The following LIMCH1 variants were observed in gnomAD, a reference collection of about 807,000 sequenced individuals.
The protein encoded by LIMCH1 is LIM and calponin homology domains 1, also known as LIM and calponin homology domains-containing protein 1.
LIMCH1 carries 113 observed loss-of-function variants against 176.5 expected under a neutral mutation model. The ratio of observed to expected loss-of-function variants is 0.64; its 90% confidence interval spans 0.55 to 0.75. The LOEUF (loss-of-function observed/expected upper bound fraction) is 0.75. LIMCH1 is among the 30% of genes least tolerant of loss of function. LIMCH1 has a pLI of 0.00. For missense variants in LIMCH1, 1,674 were observed against 1,814.9 expected, an observed-to-expected ratio of 0.92 and a Z score of 1.41; for synonymous variants, 619 against 645.9, an observed-to-expected ratio of 0.96 and a Z score of 0.63.
At chr4:41,603,000 A>G (rs2090190750) in intron 2 of LIMCH1, among the ~76,000 whole-genome samples, 1 of 152,096 alleles carries the variant, frequency 6.6e-6, no homozygotes, top group African/African-American at 2.4e-5. Flanking sequence ...ATTTCTTCAA[A>G]TTTCAATGGA....
At chr4:41,627,359 A>G (rs2093035399) in intron 8 of LIMCH1, among the ~76,000 whole-genome samples, 1 of 152,142 alleles carries the variant, frequency 6.6e-6, no homozygotes, top group African/African-American at 2.4e-5. Context: ...AAAAATAGAC[A>G]TGTACTATTG....
chr4:41,423,216 G>A (rs562151178), intron 1 of LIMCH1, among the ~76,000 whole-genome samples: 3 of 152,224 alleles, frequency 2.0e-5, no homozygotes, highest in Non-Finnish European at 4.4e-5. Flanking sequence ...AAAGAAAGCC[G>A]CAAACTTATG....
intron 21 of LIMCH1, 80 bp downstream of exon 21, chr4:41,666,746 T>C: frequency 4.4e-6 from 4 of 917,574 alleles, no homozygotes; most frequent in Admixed American, 1.9e-5. Context: ...TAAAGGAAGA[T>C]TACGTCCTTT....
chr4:41,644,681 C>T, intron 15 of LIMCH1, 55 bp downstream of exon 15: 1 of 1,565,570 alleles, frequency 6.4e-7, no homozygotes, highest in Non-Finnish European at 8.7e-7. Flanking sequence ...AGCAGAAAAT[C>T]CAGCCGGGTG....
intron 14 of LIMCH1, among the ~76,000 whole-genome samples, chr4:41,640,216 C>G (rs531049672): frequency 1.3e-5 from 2 of 152,326 alleles, no homozygotes; most frequent in South Asian, 2.1e-4. Flanking sequence ...TATTACTTTT[C>G]AAACCTGCAA....
chr4:41,361,734 T>C (rs547754161), intron 1 of LIMCH1, among the ~76,000 whole-genome samples: 36 of 152,324 alleles, frequency 2.4e-4, no homozygotes, highest in Middle Eastern at 3.4e-3. Context: ...TGATTCACGA[T>C]GTCTATCAGT....
At chr4:41,539,867 T>C (rs532516525) in intron 1 of LIMCH1, among the ~76,000 whole-genome samples, 3 of 152,362 alleles carry the variant, frequency 2.0e-5, no homozygotes, top group East Asian at 3.9e-4. Context: ...AACAGGAATG[T>C]TGACTAGACA....
chr4:41,413,165 T>TA (rs1238432509), intron 1 of LIMCH1, among the ~76,000 whole-genome samples: 3 of 151,892 alleles, frequency 2.0e-5, no homozygotes, highest in Non-Finnish European at 4.4e-5. Context: ...CTCTTTGTCT[T>TA]AAAAAAACTA....
chr4:41,517,131 C>A (rs1434945927), intron 2 of LIMCH1, among the ~76,000 whole-genome samples: 9 of 152,202 alleles, frequency 5.9e-5, no homozygotes, highest in Non-Finnish European at 1.2e-4. Context: ...GAGACTCCAT[C>A]TTCAACATAC....
intron 1 of LIMCH1, among the ~76,000 whole-genome samples, chr4:41,438,141 G>A (rs138554492): frequency 1.2e-4 from 19 of 152,232 alleles, no homozygotes; most frequent in African/African-American, 4.6e-4. Flanking sequence ...TCAAGTGTGT[G>A]ATTGACCCTC....
At chr4:41,547,741 AAAT>A (rs538506035) in intron 1 of LIMCH1, among the ~76,000 whole-genome samples, 6 of 144,948 alleles carry the variant, frequency 4.1e-5, no homozygotes, top group Admixed American at 1.4e-4. Context: ...ATATATACAT[AAAT>A]AATATATAAA....
intron 1 of LIMCH1, among the ~76,000 whole-genome samples, chr4:41,583,297 A>G (rs573197055): frequency 6.6e-6 from 1 of 152,232 alleles, no homozygotes; most frequent in South Asian, 2.1e-4. Flanking sequence ...CTGCAGTCAC[A>G]CTGGTGGCTC....
chr4:41,445,240 G>A (rs530510567), intron 1 of LIMCH1, among the ~76,000 whole-genome samples: 1 of 152,130 alleles, frequency 6.6e-6, no homozygotes, highest in South Asian at 2.1e-4. Flanking sequence ...TCCTGACCTC[G>A]TGATCCACCT....
At chr4:41,535,916 A>G (rs1561666298), upstream of LIMCH1, among the ~76,000 whole-genome samples, 1 of 152,184 alleles carries the variant, frequency 6.6e-6, no homozygotes, top group Admixed American at 6.5e-5. Context: ...CCGAAAAAAC[A>G]AAAAATGCCA....
intron 1 of LIMCH1, among the ~76,000 whole-genome samples, chr4:41,483,600 C>G (rs1453460796): frequency 6.6e-6 from 1 of 152,186 alleles, no homozygotes; most frequent in African/African-American, 2.4e-5. Context: ...CCCATCTCGA[C>G]CATGCCTACT....
intron 1 of LIMCH1, among the ~76,000 whole-genome samples, chr4:41,478,280 A>G (rs1218205179): frequency 2.0e-5 from 3 of 150,896 alleles, no homozygotes; most frequent in Non-Finnish European, 4.4e-5. Flanking sequence ...ATTTGTTGCT[A>G]TCCCTCAATG....
chr4:41,428,558 T>C (rs2061324983), intron 1 of LIMCH1, among the ~76,000 whole-genome samples: 1 of 151,716 alleles, frequency 6.6e-6, no homozygotes, highest in African/African-American at 2.4e-5. Context: ...TTTGGCCATT[T>C]GGAGTTCTTA....
intron 1 of LIMCH1, among the ~76,000 whole-genome samples, chr4:41,593,692 C>T (rs1179505159): frequency 6.6e-6 from 1 of 152,224 alleles, no homozygotes; most frequent in Non-Finnish European, 1.5e-5. Context: ...CCAATGCCTG[C>T]TTTCATAAAT....
rs555393131 is a variant in LIMCH1 at position 41,483,555 on chromosome 4, G to A, written c.97-10981G>A. ...GGTTGTCTCTTTTGTTCTGGGTTCAGGTGTAACCCATAGTGCTGGCACACA... is the reference window on the plus strand; with the variant it reads ...GGTTGTCTCTTTTGTTCTGGGTTCAAGTGTAACCCATAGTGCTGGCACACA... On this transcript the variant is annotated intron_variant, in intron 1 of 26. Transcript: ENST00000313860. Among the ~76,000 whole-genome samples, 4 of 152,254 alleles carry A rather than the reference G, an allele frequency of 2.6e-5. 1 individual carries two copies. In the South Asian group the frequency reaches 6.2e-4, roughly 24 times the overall value.
Sources: allele counts gnomAD v4.1 joint callset (sites outside exome capture counted in the v4.1 genomes callset), GRCh38; gene constraint gnomAD v4.1.1; transcripts MANE v1.5; gene names NCBI Gene and HGNC (gene_info 2026-07-23, HGNC 2026-07-21).